The following PDE4B variants were observed in gnomAD, a reference collection of about 807,000 sequenced individuals.
PDE4B encodes the protein phosphodiesterase 4B, also known as 3',5'-cyclic-AMP phosphodiesterase 4B.
In PDE4B, 20 loss-of-function variants were observed where a neutral mutation model predicts 82.2. That is an observed-to-expected ratio of 0.24 (90% CI 0.17 to 0.35). The LOEUF (loss-of-function observed/expected upper bound fraction) is 0.35. Among genes scored for constraint, PDE4B ranks in the 10% least tolerant of loss-of-function variants. PDE4B has a pLI of 1.00. For missense variants in PDE4B, 655 were observed against 907.2 expected, an observed-to-expected ratio of 0.72 and a Z score of 3.57; for synonymous variants, 320 against 318.9, an observed-to-expected ratio of 1.00 and a Z score of -0.04.
At chr1:66,143,934 G>A (rs1646221816) in intron 3 of PDE4B, among the ~76,000 whole-genome samples, 1 of 152,222 alleles carries the variant, frequency 6.6e-6, no homozygotes, top group Non-Finnish European at 1.5e-5. Context: ...GCTTGGTTGA[G>A]TATCTGCAAT....
intron 3 of PDE4B, among the ~76,000 whole-genome samples, chr1:66,104,856 T>A (rs1346717165): frequency 6.8e-6 from 1 of 146,680 alleles, no homozygotes; most frequent in Non-Finnish European, 1.5e-5. Flanking sequence ...GTCAGATGAG[T>A]AGGTTGCGAA....
At chr1:66,065,986 G>C (rs1022891465) in intron 3 of PDE4B, among the ~76,000 whole-genome samples, 1 of 151,742 alleles carries the variant, frequency 6.6e-6, no homozygotes, top group African/African-American at 2.4e-5. Context: ...ACATGTGTTA[G>C]TAGTAGGTTT....
chr1:66,354,951 G>A, intron 8 of PDE4B: 3 of 1,459,490 alleles, frequency 2.1e-6, no homozygotes, highest in Admixed American at 3.9e-5. Context: ...GTACCTCTGT[G>A]TGTTTTTTTG....
intron 3 of PDE4B, among the ~76,000 whole-genome samples, chr1:66,069,797 G>C (rs1337543457): frequency 1.3e-5 from 2 of 151,990 alleles, no homozygotes; most frequent in Non-Finnish European, 2.9e-5. Flanking sequence ...TGAAAACTCT[G>C]TAAATTGGCC....
intron 3 of PDE4B, among the ~76,000 whole-genome samples, chr1:65,927,748 T>C (rs1192897080): frequency 6.6e-6 from 1 of 152,076 alleles, no homozygotes; most frequent in African/African-American, 2.4e-5. Flanking sequence ...TGATTTACTA[T>C]TTTTCTAGGT....
chr1:65,914,083 G>A (rs1647128688), intron 2 of PDE4B, among the ~76,000 whole-genome samples: 1 of 152,068 alleles, frequency 6.6e-6, no homozygotes, highest in African/African-American at 2.4e-5. Flanking sequence ...CCCAATTACT[G>A]TTTGTAATTG....
At chr1:66,297,429 C>CA (rs1381528942) in intron 7 of PDE4B, among the ~76,000 whole-genome samples, 4 of 151,924 alleles carry the variant, frequency 2.6e-5, no homozygotes, top group African/African-American at 7.3e-5. Context: ...TATATTTCTA[C>CA]AAAAAACCCA....
In PDE4B at chr1:65,889,537, A is replaced by T. The variant is rs941644310; in HGVS notation, c.-70-23708A>T. Among the ~76,000 whole-genome samples, 4 of 152,266 alleles carry T rather than the reference A, an allele frequency of 2.6e-5. No homozygotes were observed. In the South Asian group the frequency reaches 6.2e-4, roughly 24 times the overall value. ...AAAAAATAAATAAAATGAAGTTGTA[A>T]TTTTTTGAAACATAAAATGCTTCAT... On this transcript the variant is annotated intron_variant, in intron 1 of 16. Transcript: ENST00000341517.
intron 3 of PDE4B, among the ~76,000 whole-genome samples, chr1:66,001,264 T>A (rs2100709035): frequency 6.6e-6 from 1 of 152,328 alleles, no homozygotes; most frequent in East Asian, 1.9e-4. Context: ...GAACACCTTT[T>A]ACCTAGATAT....
At chr1:66,171,015 G>T (rs1257609719) in intron 3 of PDE4B, among the ~76,000 whole-genome samples, 1 of 152,172 alleles carries the variant, frequency 6.6e-6, no homozygotes, top group Non-Finnish European at 1.5e-5. Context: ...ATTTTTGTGT[G>T]CAGTGCCTAC....
At chr1:66,094,021 T>C (rs1038819123) in intron 3 of PDE4B, among the ~76,000 whole-genome samples, 3 of 151,996 alleles carry the variant, frequency 2.0e-5, no homozygotes, top group African/African-American at 7.2e-5. Flanking sequence ...TCATGGGAAA[T>C]AGACAAAAAC....
intron 1 of PDE4B, among the ~76,000 whole-genome samples, chr1:65,822,409 G>A (rs1265875997): frequency 6.6e-6 from 1 of 152,046 alleles, no homozygotes; most frequent in Non-Finnish European, 1.5e-5. Context: ...TTTGCAAAAT[G>A]ATGCCTTTTT....
chr1:66,057,391 T>C (rs998000833), intron 3 of PDE4B, among the ~76,000 whole-genome samples: 2 of 152,242 alleles, frequency 1.3e-5, no homozygotes, highest in Admixed American at 6.5e-5. Flanking sequence ...TAAGGGCCTC[T>C]TTCTTTCTTG....
chr1:66,126,083 G>C (rs1216264172), intron 3 of PDE4B, among the ~76,000 whole-genome samples: 1 of 152,198 alleles, frequency 6.6e-6, no homozygotes, highest in East Asian at 1.9e-4. Context: ...TGGGATTACA[G>C]GCGTGAGCCA....
chr1:66,106,152 A>G (rs370157657), intron 3 of PDE4B, among the ~76,000 whole-genome samples: 1 of 152,034 alleles, frequency 6.6e-6, no homozygotes, highest in South Asian at 2.1e-4. Flanking sequence ...AGCATGAAGC[A>G]TTGTTGAATT....
At chr1:66,241,631 G>A (rs984657292) in intron 3 of PDE4B, among the ~76,000 whole-genome samples, 8 of 151,852 alleles carry the variant, frequency 5.3e-5, no homozygotes, top group African/African-American at 1.7e-4. Context: ...TCAGCCTCCC[G>A]ATACAGTTAG....
intron 7 of PDE4B, among the ~76,000 whole-genome samples, chr1:66,273,679 C>T (rs925027134): frequency 4.6e-5 from 7 of 152,220 alleles, no homozygotes; most frequent in Non-Finnish European, 8.8e-5. Flanking sequence ...AAATACTAAT[C>T]CTCTTTTTCT....
rs138313213 is a variant in PDE4B at position 66,257,789 on chromosome 1, C to T, written c.514-4C>T. On this transcript the variant is annotated splice_polypyrimidine_tract_variant and splice_region_variant and intron_variant, in intron 5 of 16. Transcript: ENST00000341517. ...CTTAACCGTTTAAAACATTTTTCTT[C>T]TAGGTCCTTGCCAGCTTGCGAAGTG... 7.1e-4 allele frequency: 1,142 copies of T among 1,612,852 alleles called. 8 individuals carry two copies. The African/African-American group carries it at 0.012, about 17-fold the overall frequency.
intron 16 of PDE4B, among the ~76,000 whole-genome samples, chr1:66,371,824 A>G (rs1371125504): frequency 6.6e-6 from 1 of 152,248 alleles, no homozygotes; most frequent in Non-Finnish European, 1.5e-5. Context: ...AAAACACGTT[A>G]GACCTGGGCC....
Sources: allele counts gnomAD v4.1 joint callset (sites outside exome capture counted in the v4.1 genomes callset), GRCh38; gene constraint gnomAD v4.1.1; transcripts MANE v1.5; gene names NCBI Gene and HGNC (gene_info 2026-07-23, HGNC 2026-07-21).